Variants in PTPRD observed in about 807,000 individuals in gnomAD.
PTPRD encodes the protein receptor-type tyrosine-protein phosphatase delta.
In PTPRD, 34 loss-of-function variants were observed where a neutral mutation model predicts 214.5. The ratio of observed to expected loss-of-function variants is 0.16; its 90% CI spans 0.12 to 0.21. The LOEUF (loss-of-function observed/expected upper bound fraction) is 0.21. Ranked by LOEUF, PTPRD falls within the 10% of genes least tolerant of loss-of-function variation. The pLI is 1.00. For synonymous variants in PTPRD, 1,128 were observed against 845.7 expected, an observed-to-expected ratio of 1.33 and a Z score of -5.79; for missense variants, 2,545 against 2,398.7, an observed-to-expected ratio of 1.06 and a Z score of -1.27.
At chr9:9,618,767 G>C (rs559881611) in intron 7 of PTPRD, among the ~76,000 whole-genome samples, 2 of 152,128 alleles carry the variant, frequency 1.3e-5, no homozygotes, top group African/African-American at 4.8e-5. Flanking sequence ...GGGAGATACA[G>C]ATTTGGAAGT....
intron 11 of PTPRD, among the ~76,000 whole-genome samples, chr9:8,829,945 T>G (rs534132769): frequency 1.8e-4 from 28 of 152,276 alleles, no homozygotes; most frequent in African/African-American, 6.7e-4. Context: ...TATAAAACAT[T>G]ATTATAATGT....
chr9:8,925,317 C>T (rs1369402391), intron 11 of PTPRD, among the ~76,000 whole-genome samples: 1 of 151,996 alleles, frequency 6.6e-6, no homozygotes, highest in Admixed American at 6.6e-5. Flanking sequence ...TGTAGGATGG[C>T]TCCGAGGCAG....
intron 11 of PTPRD, among the ~76,000 whole-genome samples, chr9:8,934,492 T>A (rs867155391): frequency 0.012 from 100 of 8,198 alleles, 10 homozygotes; most frequent in South Asian, 0.017. Context: ...TATATATATA[T>A]AAATATATAT....
chr9:9,327,738 G>C (rs1170684231), intron 9 of PTPRD, among the ~76,000 whole-genome samples: 1 of 151,894 alleles, frequency 6.6e-6, no homozygotes, highest in Non-Finnish European at 1.5e-5. Context: ...TTTTTCACTG[G>C]ATAATACACG....
rs1012616289 is a variant in PTPRD, at chr9:10,158,414, C to A, written c.-544-124624G>T. ...CAGCCATGCATTTTAGTGATAACCC[C>A]CATTTTGTAATAATGAATTGCTCTG... On this transcript the variant is annotated intron_variant, in intron 3 of 45. Transcript: ENST00000381196. Among the ~76,000 whole-genome samples the A allele has an allele frequency of 5.9e-5, 9 of 152,122 alleles. No homozygotes were observed. The East Asian group carries it at 1.3e-3, about 23-fold the overall frequency.
At chr9:8,731,186 T>C (rs2098654325) in intron 12 of PTPRD, among the ~76,000 whole-genome samples, 1 of 152,194 alleles carries the variant, frequency 6.6e-6, no homozygotes, top group Non-Finnish European at 1.5e-5. Flanking sequence ...TCTCAGGCTT[T>C]TTGGAGTTAA....
intron 6 of PTPRD, among the ~76,000 whole-genome samples, chr9:9,735,619 T>C (rs2098279137): frequency 6.6e-6 from 1 of 152,086 alleles, no homozygotes; most frequent in African/African-American, 2.4e-5. Context: ...AAGGAAGCTA[T>C]TAATATTCCT....
intron 39 of PTPRD, among the ~76,000 whole-genome samples, chr9:8,365,404 T>C (rs2079569802): frequency 6.6e-6 from 1 of 152,206 alleles, no homozygotes; most frequent in South Asian, 2.1e-4. Context: ...GTAGCAGTTA[T>C]GAAATGCATT....
At chr9:10,199,057 C>CT (rs539194777) in intron 3 of PTPRD, among the ~76,000 whole-genome samples, 96 of 146,354 alleles carry the variant, frequency 6.6e-4, no homozygotes, top group Admixed American at 8.2e-4. Flanking sequence ...TTTCCAAATT[C>CT]TTTTTTTTTT....
At chr9:10,066,499 T>TA (rs1466543518) in intron 3 of PTPRD, among the ~76,000 whole-genome samples, 1 of 151,922 alleles carries the variant, frequency 6.6e-6, no homozygotes, top group Non-Finnish European at 1.5e-5. Flanking sequence ...TTTCAACATG[T>TA]ATGACACTTA....
chr9:9,570,193 A>G (rs1417014830), intron 8 of PTPRD, among the ~76,000 whole-genome samples: 2 of 151,554 alleles, frequency 1.3e-5, no homozygotes, highest in African/African-American at 4.8e-5. Flanking sequence ...CGTCTTTCTA[A>G]CTGTATTATC....
intron 11 of PTPRD, among the ~76,000 whole-genome samples, chr9:8,961,035 A>T (rs1282533716): frequency 6.6e-6 from 1 of 152,078 alleles, no homozygotes; most frequent in Non-Finnish European, 1.5e-5. Flanking sequence ...ATCAACAATC[A>T]ATTACAATTA....
chr9:10,209,744 A>G (rs1447286028), intron 3 of PTPRD, among the ~76,000 whole-genome samples: 1 of 152,198 alleles, frequency 6.6e-6, no homozygotes, highest in East Asian at 1.9e-4. Flanking sequence ...AAGTCCTTTA[A>G]AGACAATGAA....
chr9:10,070,331 T>C (rs2097978331), intron 3 of PTPRD, among the ~76,000 whole-genome samples: 2 of 152,094 alleles, frequency 1.3e-5, no homozygotes, highest in Non-Finnish European at 2.9e-5. Context: ...AAGTCAAAGA[T>C]AGAGGATTAT....
chr9:9,935,890 A>T (rs1473428455), intron 5 of PTPRD, among the ~76,000 whole-genome samples: 3 of 150,348 alleles, frequency 2.0e-5, no homozygotes, highest in African/African-American at 7.4e-5. Context: ...ATATAGATCA[A>T]TGGAACAGAA....
chr9:8,320,759 C>T (rs1587340252), intron 44 of PTPRD, among the ~76,000 whole-genome samples: 1 of 151,982 alleles, frequency 6.6e-6, no homozygotes, highest in Admixed American at 6.6e-5. Context: ...TCTCTGTTGT[C>T]TTCATTGTTT....
chr9:10,550,724 G>C (rs1383864270), intron 2 of PTPRD, among the ~76,000 whole-genome samples: 1 of 152,182 alleles, frequency 6.6e-6, no homozygotes, highest in Non-Finnish European at 1.5e-5. Flanking sequence ...CCCATGATAT[G>C]TGCTTCAGGT....
intron 7 of PTPRD, among the ~76,000 whole-genome samples, chr9:9,732,886 T>TG (rs1439614690): frequency 6.7e-6 from 1 of 150,236 alleles, no homozygotes; most frequent in Non-Finnish European, 1.5e-5. Flanking sequence ...GAGGCCAGCA[T>TG]GGGCAACACA....
At chr9:9,119,864 G>C (rs535791801) in intron 10 of PTPRD, among the ~76,000 whole-genome samples, 1 of 151,142 alleles carries the variant, frequency 6.6e-6, no homozygotes, top group Non-Finnish European at 1.5e-5. Context: ...CACAGAGAAA[G>C]ATGACTACAC....
Sources: gnomAD v4.1 joint callset for allele counts (sites outside exome capture counted in the v4.1 genomes callset) on GRCh38, gnomAD v4.1.1 for gene constraint, MANE v1.5 for transcripts, NCBI Gene and HGNC (gene_info 2026-07-23, HGNC 2026-07-21) for gene names.